Variants in EIF2B4 observed in about 807,000 individuals in gnomAD.
The protein encoded by EIF2B4 is eukaryotic translation initiation factor 2B subunit delta.
A neutral mutation model predicts 66.7 loss-of-function variants in EIF2B4; 34 were observed. The observed-to-expected ratio is 0.51, with a 90% CI of 0.39 to 0.68. EIF2B4 has a LOEUF of 0.68. EIF2B4 is among the 30% of genes least tolerant of loss of function. The probability of loss-of-function intolerance (pLI) is 0.00; values close to 1 mark genes in which losing one functional copy is unlikely to be tolerated. For synonymous variants in EIF2B4, 278 were observed against 253.6 expected (o/e 1.10, Z -0.92); for missense variants, 618 against 657.9 (o/e 0.94, Z 0.66).
At position 27,369,204 on chromosome 2, in the gene EIF2B4, T is replaced by A; in HGVS notation, c.220A>T (p.Thr74Ser). Reference sequence around the variant, plus strand: ...ATGCCCGATTCTGGCAGTTCTCTGGTTGGGCCTACTAAAAGCATTAAAAAA... The same window carrying A: ...ATGCCCGATTCTGGCAGTTCTCTGGATGGGCCTACTAAAAGCATTAAAAAA... ...VSAAQCQVGP[T>S]RELPESGIQL... Residue 74 changes from threonine to serine, a missense_variant, in exon 4 of 13, where the codon ACC becomes TCC. Transcript: ENST00000347454. 2 of 1,611,840 alleles carry A rather than the reference T, an allele frequency of 1.2e-6. No homozygotes were observed. The highest frequency in any genetic ancestry group is 1.7e-6 in the Non-Finnish European group (2 of 1,179,898).
chr2:27,367,908 T>C, intron 7 of EIF2B4, 86 bp from the exon 8 acceptor site: 4 of 1,511,614 alleles, frequency 2.6e-6, no homozygotes, highest in Middle Eastern at 3.4e-4. Context: ...CTGAGGAAAA[T>C]GTTCTGAGGG....
intron 7 of EIF2B4, 44 bp from the exon 8 acceptor site, chr2:27,367,866 G>C: frequency 6.3e-7 from 1 of 1,587,402 alleles, no homozygotes; most frequent in South Asian, 1.1e-5. Context: ...CCTTAATAAA[G>C]ATCTCTGAAC....
In EIF2B4 at chr2:27,367,980, G is replaced by A. The variant is rs758683857; in HGVS notation, c.705+45C>T. ...GGTGACAGAAGCTGGGGTAGTATTG[G>A]GGGAGGTGGGGTTGGATCATAAGAG... On this transcript the variant is annotated intron_variant, in intron 7 of 12. Coordinates refer to ENST00000347454, the MANE Select transcript of EIF2B4 (RefSeq NM_001034116.2). 5.9e-6 allele frequency: 9 copies of A among 1,529,484 alleles called. No homozygotes were observed. In the Admixed American group the frequency reaches 1.2e-4, roughly 20 times the overall value. 94.7% of individuals were successfully genotyped at this position (1,529,484 alleles called of 1,614,324 possible). A position where few individuals can be genotyped will look rare whatever the true frequency, so the allele number is the denominator to read the frequency against.
chr2:27,366,759 C>T lies in EIF2B4; in HGVS notation c.1191G>A (p.Glu397=), dbSNP rs1681891076. 1 of 1,614,192 alleles carries T rather than the reference C, an allele frequency of 6.2e-7. No individual in the cohort carries two copies. Among genetic ancestry groups the T allele is most frequent in the African/African-American group, 1.3e-5 (1 of 75,048 alleles). The stretch of plus-strand genomic sequence containing the variant: ...TGGAGTCCTTTTCCTCTGTACTTAC[C>T]TCTGGGAGCACATAGGAGGCTGCAG... ...LIPAASYVLP[E]VSKVLLGAHA... is the part of the protein sequence containing the mutation. The change falls in exon 11 of 13, where the codon GAG becomes GAA. Residue 397 remains glutamate (E), a splice_region_variant and synonymous_variant. Transcript: ENST00000347454.
intron 11 of EIF2B4, chr2:27,366,500 G>A (rs574127132): frequency 4.5e-5 from 23 of 509,908 alleles, no homozygotes; most frequent in South Asian, 1.6e-4. Flanking sequence ...GCAATGTAGC[G>A]ATATCCCATC....
chr2:27,367,542 C>T lies in EIF2B4; in HGVS notation c.800G>A (p.Arg267His). 1.9e-6 allele frequency: 3 copies of T among 1,613,954 alleles called. No individual in the cohort carries two copies. Among genetic ancestry groups the T allele is most frequent in the Non-Finnish European group, 2.5e-6 (3 of 1,180,006 alleles). The stretch of plus-strand genomic sequence containing the variant: ...GTTGTGCATGCTCGCTGACAGGGGA[C>T]GGCACTGAGTCAGGAAGCTATAATA... ...KPYMSFLTQC[R>H]PLSASMHNAI... The change falls in exon 9 of 13, where the codon CGT becomes CAT. Residue 267 changes from arginine to histidine, a missense_variant. Around this residue, in one of 4 missense-constraint regions of EIF2B4, gnomAD observed 506 missense variants for 511.9 expected, o/e 0.99. Coordinates refer to ENST00000347454, the MANE Select transcript of EIF2B4 (RefSeq NM_001034116.2).
intron 8 of EIF2B4, 65 bp from the exon 9 acceptor site, chr2:27,367,624 TAAAA>T: frequency 6.3e-7 from 1 of 1,585,010 alleles, no homozygotes. Flanking sequence ...CCTTCACATT[TAAAA>T]AAAAAGTCTT....
Position 27,368,058 on chromosome 2 carries a change from G to A in EIF2B4, c.672C>T (p.Ala224=), listed in dbSNP as rs1268137165. Residue 224 remains alanine (A), a synonymous_variant, in exon 7 of 13, where the codon GCC becomes GCT. Coordinates refer to ENST00000347454, the MANE Select transcript of EIF2B4 (RefSeq NM_001034116.2). The stretch of plus-strand genomic sequence containing the variant: ...AGGCACGAAGCAGGGCAATACACCG[G>A]GCATTGGAGCCACTGACCAGGCCCT... ...YSQGLVSGSN[A]RCIALLRALQ... is the part of the protein sequence containing the mutation. The A allele has an allele frequency of 3.1e-6, 5 of 1,596,502 alleles. No individual in the cohort carries two copies. Among genetic ancestry groups the A allele is most frequent in the Non-Finnish European group, 4.3e-6 (5 of 1,171,412 alleles).
rs1209033836 is a variant in EIF2B4 at position 27,370,004 on chromosome 2, G to A, written c.32-85C>T. On this transcript the variant is annotated intron_variant, in intron 1 of 12. Coordinates refer to ENST00000347454, the MANE Select transcript of EIF2B4 (RefSeq NM_001034116.2). Reference sequence around the variant, plus strand: ...CGAGTACTCGGCGCAGCCGGCTGCTGGGTTGGCATGACCACGGATCCGCCG... The same window carrying A: ...CGAGTACTCGGCGCAGCCGGCTGCTAGGTTGGCATGACCACGGATCCGCCG... 7 of 1,532,520 alleles carry A rather than the reference G, an allele frequency of 4.6e-6. No homozygotes were observed. In the Admixed American group the frequency reaches 1.4e-4, roughly 32 times the overall value. 94.9% of individuals were successfully genotyped at this position (1,532,520 alleles called of 1,614,324 possible).
intron 11 of EIF2B4, chr2:27,366,113 T>TGTGTGC (rs1681830749): frequency 7.6e-6 from 1 of 131,090 alleles, no homozygotes; most frequent in African/African-American, 3.3e-5. Flanking sequence ...TGTGTGTGTG[T>TGTGTGC]GTGCGTGCGC....
chr2:27,368,944 G>A, intron 4 of EIF2B4, 62 bp downstream of exon 4: 2 of 1,597,864 alleles, frequency 1.3e-6, no homozygotes, highest in Non-Finnish European at 1.7e-6. Context: ...TTTTACTATT[G>A]GGCAGCCTGA....
Position 27,370,297 on chromosome 2 carries a change from C to T in EIF2B4, c.18G>A (p.Val6=). ...CTCTTCACTCACCCTCGCGAACAGCCACGGCCACAGCAGCCATCGCCCTCA... is the reference window on the plus strand; with the variant it reads ...CTCTTCACTCACCCTCGCGAACAGCTACGGCCACAGCAGCCATCGCCCTCA... MAAVA[V]AVREDSGSGM... The change falls in exon 1 of 13, where the codon GTG becomes GTA. Residue 6 remains valine, a synonymous_variant. Coordinates refer to ENST00000347454, the MANE Select transcript of EIF2B4 (RefSeq NM_001034116.2). 1 of 1,546,696 alleles carries T rather than the reference C, an allele frequency of 6.5e-7. No individual in the cohort carries two copies. Among genetic ancestry groups the T allele is most frequent in the Non-Finnish European group, 8.7e-7 (1 of 1,148,500 alleles).
At chr2:27,370,127 G>A in intron 1 of EIF2B4, 157 bp downstream of exon 1, 3 of 1,523,160 alleles carry the variant, frequency 2.0e-6, no homozygotes, top group South Asian at 1.2e-5. Context: ...CAACCAGCCG[G>A]TGCGCGGCGC....
rs761106515 is a variant in EIF2B4 at position 27,369,540 on chromosome 2, T to TC, written c.84dup (p.Arg29GlufsTer69). ...AGCTTTTCTTCTTTGGTCATTTCCC[T>TC]CCCCACTGCCTGAGACACAGACATA... On this transcript the variant is annotated frameshift_variant, in exon 3 of 13. Coordinates refer to ENST00000347454, the MANE Select transcript of EIF2B4 (RefSeq NM_001034116.2). LOFTEE classifies it high-confidence loss of function. 1.9e-6 allele frequency: 3 copies of TC among 1,614,074 alleles called. No individual in the cohort carries two copies. In the Admixed American group the frequency reaches 5.0e-5, roughly 27 times the overall value.
intron 4 of EIF2B4, 49 bp from the exon 5 acceptor site, chr2:27,368,782 G>T: frequency 6.3e-7 from 1 of 1,594,822 alleles, no homozygotes; most frequent in Non-Finnish European, 8.6e-7. Context: ...CTTGAAATGT[G>T]TAATTTGCTC....
chr2:27,367,957 T>C, intron 7 of EIF2B4, 68 bp downstream of exon 7: 3 of 1,485,786 alleles, frequency 2.0e-6, no homozygotes, highest in Non-Finnish European at 9.3e-7. Context: ...TGACCTTGGG[T>C]GACAGAAGCT....
In EIF2B4 at chr2:27,369,440, G is replaced by A. The variant is rs750540614; in HGVS notation, c.185C>T (p.Ser62Phe). ...TTGACATTGGGCTGCAGATACAGCA[G>A]AGCCAGTCTCTGGTTCTGCCCCCTT... ...EEKGAEPETGSAVSAAQCQVG... is the reference protein window; with the variant it reads ...EEKGAEPETGFAVSAAQCQVG... Residue 62 changes from serine to phenylalanine, a missense_variant, in exon 3 of 13, where the codon TCT becomes TTT. Ser to Phe is a radical substitution (Grantham distance 155). This residue lies in a region of EIF2B4 where 506 missense variants were observed against 511.9 expected (regional missense o/e 0.99). Coordinates refer to ENST00000347454, the MANE Select transcript of EIF2B4 (RefSeq NM_001034116.2). 4 of 1,614,096 alleles carry A rather than the reference G, an allele frequency of 2.5e-6. No individual in the cohort carries two copies. Among genetic ancestry groups the A allele is most frequent in the South Asian group, 1.1e-5 (1 of 91,078 alleles).
At position 27,366,948 on chromosome 2, in the gene EIF2B4, G is replaced by A. The variant is rs766227499; in HGVS notation, c.1014-12C>T. On this transcript the variant is annotated splice_polypyrimidine_tract_variant and intron_variant, in intron 10 of 12. Transcript: ENST00000347454. ...ATACCAGAGATGAGCTAGAGTGAAT[G>A]AAGAGGAGGATTCAGTTATAAATGT... is the stretch of plus-strand genomic sequence containing the variant. 1.2e-5 allele frequency: 19 copies of A among 1,614,076 alleles called. No individual in the cohort carries two copies. Among genetic ancestry groups the A allele is most frequent in the Non-Finnish European group, 1.1e-5 (13 of 1,180,058 alleles).
chr2:27,367,373 T>TAA, intron 9 of EIF2B4, 84 bp downstream of exon 9: 1 of 1,593,006 alleles, frequency 6.3e-7, no homozygotes. Context: ...AAAAAAGGCT[T>TAA]ACGTTGGCCT....
Sources: gnomAD v4.1 joint callset for allele counts on GRCh38, gnomAD v4.1.1 for gene constraint, gnomAD v4.1.1 regional missense constraint, MANE v1.5 for transcripts, NCBI Gene and HGNC (gene_info 2026-07-23, HGNC 2026-07-21) for gene names.